The following KCNMB2 variants were observed in gnomAD, a reference collection of about 807,000 sequenced individuals.
KCNMB2 encodes the protein potassium calcium-activated channel subfamily M regulatory beta subunit 2, also known as calcium-activated potassium channel subunit beta-2.
A neutral mutation model predicts 24.5 loss-of-function variants in KCNMB2; 9 were observed. That is an observed-to-expected ratio of 0.37 (90% CI 0.22 to 0.64). The LOEUF is 0.64. Ranked by LOEUF, KCNMB2 falls within the 30% of genes least tolerant of loss-of-function variation. The pLI, the probability that KCNMB2 is intolerant of heterozygous loss-of-function variation, is 0.63. For missense variants in KCNMB2, 226 were observed against 284.3 expected (o/e 0.79, Z 1.47); for synonymous variants, 109 against 104.4 (o/e 1.04, Z -0.27).
chr3:178,579,261 T>G (rs193208874), intron 1 of KCNMB2, among the ~76,000 whole-genome samples: 9 of 152,302 alleles, frequency 5.9e-5, no homozygotes, highest in Admixed American at 2.0e-4. Context: ...AACCTGCTCC[T>G]AAATGACTAT....
intron 1 of KCNMB2, among the ~76,000 whole-genome samples, chr3:178,646,213 A>G (rs1719917990): frequency 6.6e-6 from 1 of 152,218 alleles, no homozygotes; most frequent in Admixed American, 6.5e-5. Flanking sequence ...TGAAGATCAC[A>G]GAGAAATCAA....
chr3:178,785,206 G>C (rs1186720863), intron 1 of KCNMB2, among the ~76,000 whole-genome samples: 1 of 151,912 alleles, frequency 6.6e-6, no homozygotes, highest in South Asian at 2.1e-4. Flanking sequence ...AAAATAACTA[G>C]AATGAAAATT....
rs555216172 is a variant in KCNMB2 at position 178,704,818 on chromosome 3, G to A, written c.-67-102525G>A. ...CATGCTCATTCCCAGGCTATTCACA[G>A]GGTCGTTTCATTAAATGCTATGAAT... On this transcript the variant is annotated intron_variant, in intron 1 of 4. Coordinates refer to ENST00000452583, the MANE Select transcript of KCNMB2 (RefSeq NM_181361.3). 3.3e-5 allele frequency among the ~76,000 whole-genome samples: 5 copies of A among 152,208 alleles called. No individual in the cohort carries two copies. The East Asian group carries it at 7.7e-4, about 24-fold the overall frequency.
At chr3:178,716,793 T>C (rs750668776) in intron 1 of KCNMB2, among the ~76,000 whole-genome samples, 4 of 152,114 alleles carry the variant, frequency 2.6e-5, no homozygotes, top group South Asian at 2.1e-4. Flanking sequence ...TTTCCACATA[T>C]ATGCATATTA....
intron 1 of KCNMB2, among the ~76,000 whole-genome samples, chr3:178,700,342 A>C (rs1231932636): frequency 6.6e-6 from 1 of 152,258 alleles, no homozygotes. Flanking sequence ...GATTTCTTTA[A>C]AATTCCATTT....
At chr3:178,646,492 G>A (rs139230563) in intron 1 of KCNMB2, among the ~76,000 whole-genome samples, 2,131 of 152,266 alleles carry the variant, frequency 0.014, 37 homozygotes, top group Non-Finnish European at 0.02. Context: ...CTGTTTCTCT[G>A]ACTTATAGGA....
chr3:178,685,305 T>G (rs892993541), intron 1 of KCNMB2, among the ~76,000 whole-genome samples: 1 of 152,230 alleles, frequency 6.6e-6, no homozygotes, highest in Non-Finnish European at 1.5e-5. Flanking sequence ...GCTCCTGGAA[T>G]AGGCCATAAC....
At chr3:178,806,641 G>A (rs1713979897) in intron 1 of KCNMB2, among the ~76,000 whole-genome samples, 1 of 151,288 alleles carries the variant, frequency 6.6e-6, no homozygotes, top group African/African-American at 2.4e-5. Flanking sequence ...ACTACTTTTA[G>A]TGCTGTGCTT....
chr3:178,646,885 C>A (rs1719941531), intron 1 of KCNMB2, among the ~76,000 whole-genome samples: 1 of 152,180 alleles, frequency 6.6e-6, no homozygotes, highest in Non-Finnish European at 1.5e-5. Context: ...CAATAGTAAA[C>A]TTCATTATAC....
chr3:178,751,604 A>G (rs931801216), intron 1 of KCNMB2, among the ~76,000 whole-genome samples: 2 of 143,642 alleles, frequency 1.4e-5, no homozygotes, highest in Non-Finnish European at 3.0e-5. Flanking sequence ...AAAAAAAAAA[A>G]AGCAGTTACA....
At chr3:178,831,384 C>T (rs1715051425) in intron 4 of KCNMB2, among the ~76,000 whole-genome samples, 1 of 152,084 alleles carries the variant, frequency 6.6e-6, no homozygotes, top group African/African-American at 2.4e-5. Context: ...CCCAGCAATC[C>T]CAGTATTGGG....
chr3:178,723,144 T>C (rs1454764019), intron 1 of KCNMB2, among the ~76,000 whole-genome samples: 1 of 152,142 alleles, frequency 6.6e-6, no homozygotes, highest in Non-Finnish European at 1.5e-5. Context: ...AGTAATATAA[T>C]AATATAATTC....
intron 1 of KCNMB2, among the ~76,000 whole-genome samples, chr3:178,578,742 A>G (rs1717087248): frequency 6.6e-6 from 1 of 152,248 alleles, no homozygotes; most frequent in Admixed American, 6.5e-5. Context: ...TCTCTGATAA[A>G]ACAGACTTTA....
At chr3:178,832,044 T>C (rs1337649625) in intron 4 of KCNMB2, among the ~76,000 whole-genome samples, 1 of 152,198 alleles carries the variant, frequency 6.6e-6, no homozygotes, top group Non-Finnish European at 1.5e-5. Flanking sequence ...ATATAGTCAA[T>C]GTTAATTTAC....
Position 178,842,552 on chromosome 3 carries a change from T to C in KCNMB2, c.424-101T>C, listed in dbSNP as rs1715462039. On this transcript the variant is annotated intron_variant, in intron 4 of 4. Transcript: ENST00000452583. ...AATATGAAAAGAATAACCACCATGG[T>C]TATTTCACAGATCACTAATTTGGAC... The C allele has an allele frequency of 6.6e-6, 5 of 760,860 alleles. No homozygotes were observed. In the Admixed American group the frequency reaches 7.1e-5, roughly 11 times the overall value. 47.1% of individuals were successfully genotyped at this position (760,860 alleles called of 1,614,324 possible).
chr3:178,622,787 A>G (rs1470434587), intron 1 of KCNMB2, among the ~76,000 whole-genome samples: 7 of 152,192 alleles, frequency 4.6e-5, no homozygotes, highest in Non-Finnish European at 1.0e-4. Flanking sequence ...AAATCTGAGT[A>G]CAGCATCACA....
At chr3:178,758,739 G>GAGATAT (rs1553774802) in intron 1 of KCNMB2, among the ~76,000 whole-genome samples, 3 of 9,436 alleles carry the variant, frequency 3.2e-4, no homozygotes, top group African/African-American at 1.0e-3. Flanking sequence ...TCCAAGAGGA[G>GAGATAT]ATATATATAT....
chr3:178,700,175 T>C (rs904634013), intron 1 of KCNMB2, among the ~76,000 whole-genome samples: 1 of 152,236 alleles, frequency 6.6e-6, no homozygotes, highest in African/African-American at 2.4e-5. Context: ...TGTGCAGATA[T>C]AATTACATTA....
intron 1 of KCNMB2, among the ~76,000 whole-genome samples, chr3:178,780,854 A>G (rs1330676775): frequency 1.3e-5 from 2 of 152,216 alleles, no homozygotes; most frequent in African/African-American, 4.8e-5. Context: ...TGCTCAATAA[A>G]TAAAAATAGT....
Sources: allele counts gnomAD v4.1 joint callset (sites outside exome capture counted in the v4.1 genomes callset), GRCh38; gene constraint gnomAD v4.1.1; transcripts MANE v1.5; gene names NCBI Gene and HGNC (gene_info 2026-07-23, HGNC 2026-07-21).